Variants in TDRD12 observed in about 807,000 individuals in gnomAD.
TDRD12 encodes tudor domain containing 12.
Under a neutral mutation model 133.5 loss-of-function variants are expected in TDRD12, and 158 were observed. The observed-to-expected ratio is 1.18, with a 90% confidence interval of 1.04 to 1.35. The LOEUF is 1.35. TDRD12 is among the 40% of genes most tolerant of loss of function. The pLI is 0.00. For missense variants in TDRD12, 1,443 were observed against 1,321.3 expected (o/e 1.09, Z -1.43); for synonymous variants, 460 against 477.9 (o/e 0.96, Z 0.49).
At chr19:32,815,718 G>A in intron 26 of TDRD12, 98 bp downstream of exon 26, 1 of 1,225,238 alleles carries the variant, frequency 8.2e-7, no homozygotes, top group Non-Finnish European at 1.1e-6. Flanking sequence ...AGAGTTGGCT[G>A]GGTGCGGTGG....
chr19:32,810,167 A>T, exon 23 of TDRD12: 1 of 1,535,640 alleles, frequency 6.5e-7, no homozygotes, highest in Non-Finnish European at 8.7e-7. Context: ...ATCTTTATGC[A>T]ACTCTCAATG....
chr19:32,731,444 T>A (rs1009437191), intron 1 of TDRD12, among the ~76,000 whole-genome samples: 33 of 152,196 alleles, frequency 2.2e-4, no homozygotes, highest in Non-Finnish European at 4.1e-4. Context: ...CTAAAAACAT[T>A]GCTCTGAACC....
chr19:32,741,331 C>G (rs1342421689), intron 3 of TDRD12, among the ~76,000 whole-genome samples: 1 of 152,198 alleles, frequency 6.6e-6, no homozygotes, highest in African/African-American at 2.4e-5. Context: ...ATCCACCCGC[C>G]TCGGCTTCCC....
chr19:32,801,910 T>A, intron 19 of TDRD12, 37 bp downstream of exon 19: 1 of 745,778 alleles, frequency 1.3e-6, no homozygotes. Context: ...TTAGTGAAGG[T>A]TGAGCTACTA....
intron 11 of TDRD12, among the ~76,000 whole-genome samples, chr19:32,782,011 G>A (rs1456642256): frequency 5.9e-5 from 9 of 151,324 alleles, no homozygotes; most frequent in African/African-American, 1.2e-4. Flanking sequence ...TTACATGTGC[G>A]GAATGTGCAG....
At chr19:32,722,871 G>A (rs1968731785) in intron 1 of TDRD12, among the ~76,000 whole-genome samples, 1 of 151,802 alleles carries the variant, frequency 6.6e-6, no homozygotes, top group African/African-American at 2.4e-5. Context: ...GTAGAGACGG[G>A]GTTTCAGCAT....
Position 32,787,501 on chromosome 19 carries a change from T to A in TDRD12, c.1122-3030T>A, listed in dbSNP as rs149826525. ...AAGTCTGGAGAAGCTGTCTGCTGCC[T>A]TTGGGTCAGATATGCCATGCCCCCA... On this transcript the variant is annotated intron_variant, in intron 11 of 27. Transcript: ENST00000444215. Among the ~76,000 whole-genome samples, 880 of 152,282 alleles carry A rather than the reference T, an allele frequency of 5.8e-3. 9 individuals carry two copies. The highest frequency in any genetic ancestry group is 0.02 in the African/African-American group (829 of 41,556).
chr19:32,723,591 A>T (rs921834849), intron 1 of TDRD12, among the ~76,000 whole-genome samples: 1 of 151,486 alleles, frequency 6.6e-6, no homozygotes, highest in Non-Finnish European at 1.5e-5. Flanking sequence ...GAGTCTTCCA[A>T]CTATATTCTT....
intron 3 of TDRD12, among the ~76,000 whole-genome samples, chr19:32,739,274 C>G (rs12985444): frequency 0.58 from 87,641 of 151,016 alleles, 26,148 homozygotes; most frequent in East Asian, 0.82. Flanking sequence ...CATCTCCTGG[C>G]TGCTCTCTGC....
intron 8 of TDRD12, among the ~76,000 whole-genome samples, chr19:32,757,625 T>G (rs952925881): frequency 6.6e-6 from 1 of 152,220 alleles, no homozygotes; most frequent in Non-Finnish European, 1.5e-5. Context: ...TTCCCTCTTA[T>G]GCTGGATGTG....
At chr19:32,744,615 T>C (rs926961921) in intron 4 of TDRD12, among the ~76,000 whole-genome samples, 3 of 152,062 alleles carry the variant, frequency 2.0e-5, no homozygotes, top group Admixed American at 6.5e-5. Context: ...GCTCCCTTTT[T>C]CTAGTGTTTG....
chr19:32,727,549 C>G (rs186194659), intron 1 of TDRD12, among the ~76,000 whole-genome samples: 1 of 152,182 alleles, frequency 6.6e-6, no homozygotes, highest in Non-Finnish European at 1.5e-5. Flanking sequence ...TCAAATCCAA[C>G]GTCACAAAGC....
At position 32,821,144 on chromosome 19, in the gene TDRD12, G is replaced by C. The variant is rs754524675; in HGVS notation, c.3495G>C (p.Gly1165=). 9 of 1,533,434 alleles carry C rather than the reference G, an allele frequency of 5.9e-6. No individual in the cohort carries two copies. The highest frequency in any genetic ancestry group is 7.9e-6 in the Non-Finnish European group (9 of 1,144,992). The allele number at this position is 1,533,434 out of a possible 1,614,324, so 95.0% of individuals were successfully genotyped here. A position where few individuals can be genotyped will look rare whatever the true frequency, so the allele number is the denominator to read the frequency against. The stretch of plus-strand genomic sequence containing the variant: ...GCTCAGAAAACCAGAAGCCTGGTGG[G>C]TACTTGGTATTCAAAAGATGGTTAA... Residue 1165 remains glycine, a synonymous_variant, in exon 28 of 28, where the codon GGG becomes GGC. Coordinates refer to ENST00000444215, the Ensembl canonical transcript of TDRD12.
chr19:32,801,110 A>T (rs970778925), intron 18 of TDRD12, among the ~76,000 whole-genome samples: 1 of 152,004 alleles, frequency 6.6e-6, no homozygotes, highest in Non-Finnish European at 1.5e-5. Flanking sequence ...CTCATGCCTG[A>T]ATCCTAGCCC....
chr19:32,802,961 G>A lies in TDRD12; in HGVS notation c.2371G>A (p.Val791Ile), dbSNP rs1205436170. Reference sequence around the variant, plus strand: ...ACAGGGAGATAAGAAAGCCAAATCTGTCTTGCTGCTGACGGAGAAAGATGC... The same window carrying A: ...ACAGGGAGATAAGAAAGCCAAATCTATCTTGCTGCTGACGGAGAAAGATGC... The change falls in exon 21 of 28, where the codon GTC becomes ATC. Residue 791 changes from valine (V) to isoleucine (I), a missense_variant. By Grantham distance (29) the Val-to-Ile change is conservative (BLOSUM62 3). Transcript: ENST00000444215. The A allele has an allele frequency of 5.2e-6, 8 of 1,535,924 alleles. No individual in the cohort carries two copies. The Admixed American group carries it at 5.9e-5, about 11-fold the overall frequency.
At chr19:32,732,865 T>C (rs1345959056) in intron 2 of TDRD12, among the ~76,000 whole-genome samples, 1 of 152,218 alleles carries the variant, frequency 6.6e-6, no homozygotes, top group East Asian at 1.9e-4. Flanking sequence ...CCAGGTCAAT[T>C]GTTTTTAAAA....
chr19:32,796,072 G>A (rs1452675939), intron 14 of TDRD12: 7 of 723,594 alleles, frequency 9.7e-6, no homozygotes, highest in African/African-American at 1.9e-5. Context: ...GAGAGGAGCG[G>A]TGTGAAGGTA....
In TDRD12 at chr19:32,803,126, G is replaced by C. The variant is rs200104674; in HGVS notation, c.2536G>C (p.Ala846Pro). The C allele has an allele frequency of 8.8e-4, 1,341 of 1,517,760 alleles. 23 individuals carry two copies. The South Asian group carries it at 0.015, about 17-fold the overall frequency. The allele number at this position is 1,517,760 out of a possible 1,614,324, so 94.0% of individuals were successfully genotyped here. Residue 846 changes from alanine to proline, a missense_variant, in exon 21 of 28, where the codon GCT (alanine) becomes CCT (proline). By Grantham distance (27) the Ala-to-Pro change is conservative (BLOSUM62 -1). Transcript: ENST00000444215. The stretch of plus-strand genomic sequence containing the variant: ...AAGGCCTCTTTGTCCATATCTGAAG[G>C]CTTTTGGTTTTTGCAAGTGAGCCAG...
At chr19:32,744,028 CAAAA>C (rs1046198554) in intron 4 of TDRD12, among the ~76,000 whole-genome samples, 1 of 80,448 alleles carries the variant, frequency 1.2e-5, no homozygotes, top group African/African-American at 4.8e-5. Flanking sequence ...AACTCCATCT[CAAAA>C]AAAAAAAAAA....
Sources: allele counts gnomAD v4.1 joint callset (sites outside exome capture counted in the v4.1 genomes callset), GRCh38; gene constraint gnomAD v4.1.1; transcripts MANE v1.5; gene names NCBI Gene and HGNC (gene_info 2026-07-23, HGNC 2026-07-21).